The following CAT variants were observed in gnomAD, a reference collection of about 807,000 sequenced individuals.
CAT encodes the protein catalase.
CAT carries 43 observed loss-of-function variants against 59.0 expected under a neutral mutation model. The observed-to-expected ratio is 0.73, with a 90% CI of 0.57 to 0.94. CAT has a LOEUF of 0.94. Among genes scored for constraint, CAT ranks in the 40% least tolerant of loss-of-function variants. CAT has a pLI of 0.00. For missense variants in CAT, 664 were observed against 682.9 expected (o/e 0.97, Z 0.31); for synonymous variants, 218 against 230.9 (o/e 0.94, Z 0.51).
At chr11:34,471,124 A>C in intron 12 of CAT, 83 bp downstream of exon 12, 1 of 1,166,178 alleles carries the variant, frequency 8.6e-7, no homozygotes, top group African/African-American at 1.5e-5. Flanking sequence ...TTAGCATTAC[A>C]GTCTGCAGGG....
At chr11:34,455,477 G>C (rs1396847865) in intron 6 of CAT, among the ~76,000 whole-genome samples, 1 of 151,384 alleles carries the variant, frequency 6.6e-6, no homozygotes, top group African/African-American at 2.4e-5. Context: ...ACTAGTTCCA[G>C]GTGGCTGTAC....
At chr11:34,450,956 C>G in intron 2 of CAT, 32 bp from the exon 3 acceptor site, 1 of 1,412,528 alleles carries the variant, frequency 7.1e-7, no homozygotes, top group South Asian at 1.1e-5. Flanking sequence ...GTAATGGTCT[C>G]ATGGTAAGGA....
chr11:34,462,221 T>C (rs537514494), intron 9 of CAT, among the ~76,000 whole-genome samples: 2 of 152,266 alleles, frequency 1.3e-5, no homozygotes, highest in East Asian at 1.9e-4. Context: ...ACTGCATGCA[T>C]TGATCCCTTT....
At chr11:34,445,797 A>G (rs562713212) in intron 1 of CAT, among the ~76,000 whole-genome samples, 44 of 152,320 alleles carry the variant, frequency 2.9e-4, no homozygotes, top group African/African-American at 1.1e-3. Context: ...GTTAAAAACA[A>G]TAATTGCAAG....
chr11:34,457,655 C>T (rs928937348), intron 8 of CAT, among the ~76,000 whole-genome samples: 1 of 150,088 alleles, frequency 6.7e-6, no homozygotes, highest in African/African-American at 2.4e-5. Context: ...GTATGTTTTA[C>T]ATCACTTTTT....
chr11:34,460,538 C>A (rs1783364011), intron 8 of CAT, among the ~76,000 whole-genome samples: 1 of 150,870 alleles, frequency 6.6e-6, no homozygotes, highest in Non-Finnish European at 1.5e-5. Flanking sequence ...TGCCTCAATC[C>A]CCTGGGCCAA....
chr11:34,455,172 TG>T (rs781551524), intron 6 of CAT, among the ~76,000 whole-genome samples: 2 of 152,250 alleles, frequency 1.3e-5, no homozygotes, highest in Non-Finnish European at 2.9e-5. Context: ...GTTTTAATCC[TG>T]AAGGTGGCTT....
At position 34,470,978 on chromosome 11, in the gene CAT, C is replaced by G. The variant is rs762786595; in HGVS notation, c.1455C>G (p.Val485=). The G allele has an allele frequency of 1.2e-6, 2 of 1,614,130 alleles. No individual in the cohort carries two copies. Among genetic ancestry groups the G allele is most frequent in the Non-Finnish European group, 1.7e-6 (2 of 1,179,972 alleles). Residue 485 remains valine (V), a synonymous_variant, in exon 12 of 13, where the codon GTC becomes GTG. Transcript: ENST00000241052. ...QKKAVKNFTE[V]HPDYGSHIQA... ...CTTAGGTCAAGAACTTCACTGAGGT[C>G]CACCCTGACTACGGGAGCCACATCC...
Position 34,445,922 on chromosome 11 carries a change from A to G in CAT, c.67-3270A>G, listed in dbSNP as rs1279593927. Reference sequence around the variant, plus strand: ...GTTTTCTGAGTTTGTAGTATCGCCCATTAAATGGGATTAATAATATTGATC... The same window carrying G: ...GTTTTCTGAGTTTGTAGTATCGCCCGTTAAATGGGATTAATAATATTGATC... On this transcript the variant is annotated intron_variant, in intron 1 of 12. Transcript: ENST00000241052. 8.5e-5 allele frequency among the ~76,000 whole-genome samples: 13 copies of G among 152,298 alleles called. 1 individual carries two copies. In the South Asian group the frequency reaches 2.7e-3, roughly 32 times the overall value.
rs766875436 is a variant in CAT at position 34,438,981 on chromosome 11, T to G, written c.-33T>G. 25 of 1,560,280 alleles carry G rather than the reference T, an allele frequency of 1.6e-5. No individual in the cohort carries two copies. Among genetic ancestry groups the G allele is most frequent in the Non-Finnish European group, 2.0e-5 (23 of 1,150,238 alleles). ...GGGTGGAGACCCACGAGCCGAGGCCTCCTGCAGTGTTCTGCACAGCAAACC... is the reference window on the plus strand; with the variant it reads ...GGGTGGAGACCCACGAGCCGAGGCCGCCTGCAGTGTTCTGCACAGCAAACC... On this transcript the variant is annotated 5_prime_UTR_variant, in exon 1 of 13. Coordinates refer to ENST00000241052, the MANE Select transcript of CAT (RefSeq NM_001752.4).
At chr11:34,439,919 C>A (rs1856367229) in intron 1 of CAT, among the ~76,000 whole-genome samples, 1 of 152,172 alleles carries the variant, frequency 6.6e-6, no homozygotes, top group Non-Finnish European at 1.5e-5. Context: ...GACATTTGAA[C>A]AGGAATTTTT....
At chr11:34,444,523 A>C (rs1372117062) in intron 1 of CAT, among the ~76,000 whole-genome samples, 1 of 152,186 alleles carries the variant, frequency 6.6e-6, no homozygotes, top group African/African-American at 2.4e-5. Context: ...CGTTGTAGGC[A>C]CTTGAATCTT....
intron 8 of CAT, among the ~76,000 whole-genome samples, chr11:34,460,153 CA>C (rs1449751162): frequency 1.3e-5 from 2 of 152,054 alleles, no homozygotes; most frequent in Admixed American, 1.3e-4. Context: ...AAAAATTGCT[CA>C]TAGAAAAGGA....
At chr11:34,463,144 TG>T (rs1036668002) in intron 9 of CAT, among the ~76,000 whole-genome samples, 2 of 152,158 alleles carry the variant, frequency 1.3e-5, no homozygotes, top group Non-Finnish European at 2.9e-5. Context: ...CCACTTAATA[TG>T]TTTCTGGGCC....
chr11:34,453,208 T>G lies in CAT; in HGVS notation c.585+14T>G, dbSNP rs1335272997. ...TCTCTGCATCAGGTATGAACCCTTT[T>G]TTGCCATTGTATTATATCACCTGGG... On this transcript the variant is annotated intron_variant, in intron 5 of 12. Coordinates refer to ENST00000241052, the MANE Select transcript of CAT (RefSeq NM_001752.4). The G allele has an allele frequency of 2.0e-6, 3 of 1,488,386 alleles. No homozygotes were observed. Among genetic ancestry groups the G allele is most frequent in the Admixed American group, 1.7e-5 (1 of 59,866 alleles). The allele number at this position is 1,488,386 out of a possible 1,614,324, so 92.2% of individuals were successfully genotyped here.
At position 34,453,931 on chromosome 11, in the gene CAT, G is replaced by A. The variant is rs757024376; in HGVS notation, c.711+5G>A. On this transcript the variant is annotated splice_donor_5th_base_variant and intron_variant, in intron 6 of 12. Transcript: ENST00000241052. ...TATTGCAAATTCCATTATAAGGTATGTGTTACCTTTGGGGCAGAGGGTACA... is the reference window on the plus strand; with the variant it reads ...TATTGCAAATTCCATTATAAGGTATATGTTACCTTTGGGGCAGAGGGTACA... 3.1e-6 allele frequency: 5 copies of A among 1,613,384 alleles called. No individual in the cohort carries two copies. The South Asian group carries it at 5.5e-5, about 18-fold the overall frequency.
chr11:34,439,126 C>T (rs1458923418), intron 1 of CAT, 47 bp downstream of exon 1: 2 of 1,526,164 alleles, frequency 1.3e-6, no homozygotes, highest in Non-Finnish European at 1.8e-6. Context: ...GTTTAGAAAG[C>T]GGGGGCGTCG....
Position 34,471,468 on chromosome 11 carries a change from C to G in CAT, c.*35C>G. The G allele has an allele frequency of 3.2e-6, 5 of 1,571,076 alleles. No homozygotes were observed. Among genetic ancestry groups the G allele is most frequent in the Non-Finnish European group, 4.4e-6 (5 of 1,140,736 alleles). On this transcript the variant is annotated 3_prime_UTR_variant, in exon 13 of 13. Transcript: ENST00000241052. Reference sequence around the variant, plus strand: ...CCTGCACCTGTGCAGCGAAGCTTAGCGTTCATCCGTGTAACCCGCTCATCA... The same window carrying G: ...CCTGCACCTGTGCAGCGAAGCTTAGGGTTCATCCGTGTAACCCGCTCATCA...
rs542396206 is a variant in CAT, at chr11:34,471,768, A to T, written c.*335A>T. The T allele has an allele frequency of 1.0e-5, 3 of 297,840 alleles. No individual in the cohort carries two copies. The highest frequency in any genetic ancestry group is 1.9e-5 in the Non-Finnish European group (3 of 154,354). The allele number at this position is 297,840 out of a possible 1,614,324, so 18.4% of individuals were successfully genotyped here. On this transcript the variant is annotated 3_prime_UTR_variant, in exon 13 of 13. Coordinates refer to ENST00000241052, the MANE Select transcript of CAT (RefSeq NM_001752.4). ...ATTATGTATGTTTACATATCACCTC[A>T]TGGCCTATTATATTAAAATATGGCT...
Sources: allele counts gnomAD v4.1 joint callset (sites outside exome capture counted in the v4.1 genomes callset), GRCh38; gene constraint gnomAD v4.1.1; transcripts MANE v1.5; gene names NCBI Gene and HGNC (gene_info 2026-07-23, HGNC 2026-07-21).